RBFOX1: variants seen among roughly 807,000 people sequenced by gnomAD.
RBFOX1 encodes RNA binding fox-1 homolog 1.
In RBFOX1, 8 loss-of-function variants were observed where a neutral mutation model predicts 57.7. The ratio of observed to expected loss-of-function variants is 0.14; its 90% CI spans 0.08 to 0.25. The LOEUF (loss-of-function observed/expected upper bound fraction) is 0.25. Ranked by LOEUF, RBFOX1 falls within the 10% of genes least tolerant of loss-of-function variation. The pLI is 1.00. For synonymous variants in RBFOX1, 326 were observed against 222.4 expected (o/e 1.47, Z -4.15); for missense variants, 611 against 548.5 (o/e 1.11, Z -1.14).
chr16:5,253,859 T>C (rs963193632), intron 1 of RBFOX1, among the ~76,000 whole-genome samples: 1 of 152,224 alleles, frequency 6.6e-6, no homozygotes, highest in Non-Finnish European at 1.5e-5. Flanking sequence ...TCTCCCTGCC[T>C]CTTCACCTGG....
intron 1 of RBFOX1, among the ~76,000 whole-genome samples, chr16:6,128,679 T>C (rs1267090092): frequency 6.6e-6 from 1 of 152,176 alleles, no homozygotes; most frequent in Non-Finnish European, 1.5e-5. Flanking sequence ...TAAGTCTGCA[T>C]GGAATTTTAC....
intron 2 of RBFOX1, among the ~76,000 whole-genome samples, chr16:5,573,311 C>T (rs1359650632): frequency 2.0e-5 from 3 of 152,144 alleles, no homozygotes; most frequent in East Asian, 1.9e-4. Context: ...GTGAAGGCCA[C>T]AAAGGTGGTT....
chr16:7,698,495 C>T (rs74011860), intron 14 of RBFOX1, among the ~76,000 whole-genome samples: 1 of 152,048 alleles, frequency 6.6e-6, no homozygotes, highest in Admixed American at 6.6e-5. Context: ...GGAGGTGTCA[C>T]CAGCGCCTTT....
intron 3 of RBFOX1, among the ~76,000 whole-genome samples, chr16:6,885,167 TC>T (rs1285777765): frequency 6.6e-6 from 1 of 152,106 alleles, no homozygotes; most frequent in African/African-American, 2.4e-5. Flanking sequence ...CTTCCCTAAT[TC>T]CCAGGTAGTA....
At chr16:7,168,434 G>A (rs940446685) in intron 4 of RBFOX1, among the ~76,000 whole-genome samples, 2 of 151,948 alleles carry the variant, frequency 1.3e-5, no homozygotes, top group African/African-American at 4.8e-5. Flanking sequence ...AATTCTCATT[G>A]CATGTGAATT....
chr16:6,825,962 A>G lies in RBFOX1; in HGVS notation c.-16+171312A>G, dbSNP rs571849847. On this transcript the variant is annotated intron_variant, in intron 3 of 15. Transcript: ENST00000550418. ...CGCAGGGTGCTCATCCTTTAACGAT[A>G]CGAGTTTCCATGTCTGCAAAAATGT... Among the ~76,000 whole-genome samples the G allele has an allele frequency of 7.2e-5, 11 of 152,282 alleles. No individual in the cohort carries two copies. The South Asian group carries it at 2.3e-3, about 32-fold the overall frequency.
chr16:6,909,920 C>T (rs1462083755), intron 3 of RBFOX1, among the ~76,000 whole-genome samples: 1 of 151,744 alleles, frequency 6.6e-6, no homozygotes, highest in Non-Finnish European at 1.5e-5. Context: ...GCAGGATTTG[C>T]TTTTTTTTGC....
intron 13 of RBFOX1, among the ~76,000 whole-genome samples, chr16:7,671,033 G>A (rs1319950774): frequency 6.6e-6 from 1 of 152,150 alleles, no homozygotes; most frequent in Non-Finnish European, 1.5e-5. Context: ...AGGAGCCATC[G>A]TAGCTTCAGT....
intron 2 of RBFOX1, among the ~76,000 whole-genome samples, chr16:6,463,846 C>T (rs1330831212): frequency 6.6e-6 from 1 of 152,098 alleles, no homozygotes; most frequent in East Asian, 1.9e-4. Flanking sequence ...GAGGTGAGTT[C>T]CTCACTGGCT....
At chr16:5,314,640 A>G (rs2064182474) in intron 1 of RBFOX1, among the ~76,000 whole-genome samples, 1 of 152,106 alleles carries the variant, frequency 6.6e-6, no homozygotes, top group Non-Finnish European at 1.5e-5. Context: ...AGCTGGGACT[A>G]CAGGCATGCA....
chr16:7,577,614 G>T (rs563703143), intron 5 of RBFOX1, among the ~76,000 whole-genome samples: 17 of 152,182 alleles, frequency 1.1e-4, no homozygotes, highest in Admixed American at 9.2e-4. Flanking sequence ...ACATTTACCA[G>T]TCTCTGGGGA....
intron 3 of RBFOX1, among the ~76,000 whole-genome samples, chr16:6,694,375 T>G (rs989185104): frequency 6.6e-6 from 1 of 152,178 alleles, no homozygotes; most frequent in African/African-American, 2.4e-5. Context: ...ATATCCACAG[T>G]TCTCATCCAA....
intron 2 of RBFOX1, among the ~76,000 whole-genome samples, chr16:5,546,395 G>T (rs2045207236): frequency 6.6e-6 from 1 of 152,140 alleles, no homozygotes; most frequent in African/African-American, 2.4e-5. Context: ...AAGTTAGAGG[G>T]CTAACATGAT....
chr16:6,193,398 A>ATATATATATATAC, intron 1 of RBFOX1, among the ~76,000 whole-genome samples: 1 of 62,860 alleles, frequency 1.6e-5, no homozygotes, highest in East Asian at 3.7e-4. Flanking sequence ...TATACTATAT[A>ATATATATATATAC]TATATATATA....
At chr16:6,693,341 C>A (rs1256055252) in intron 3 of RBFOX1, among the ~76,000 whole-genome samples, 2 of 151,624 alleles carry the variant, frequency 1.3e-5, no homozygotes, top group South Asian at 4.2e-4. Context: ...TCATCCGTCT[C>A]CACTAGCATC....
rs186095850 is a variant in RBFOX1, at chr16:5,623,351, C to G, written c.318+24390C>G. On this transcript the variant is annotated intron_variant, in intron 3 of 19. Transcript: ENST00000641259. ...AGGCAGTTCCTCAAAATGCATTTTC[C>G]TGGGCCCTTCCACAGTCAGTGATGT... 1.8e-4 allele frequency among the ~76,000 whole-genome samples: 28 copies of G among 152,278 alleles called. No homozygotes were observed. In the East Asian group the frequency reaches 5.0e-3, roughly 27 times the overall value.
At chr16:5,582,483 G>A (rs953567708) in intron 2 of RBFOX1, among the ~76,000 whole-genome samples, 10 of 150,876 alleles carry the variant, frequency 6.6e-5, no homozygotes, top group African/African-American at 2.0e-4. Flanking sequence ...AGGTTAAACA[G>A]CCCTCCAAGG....
At chr16:5,764,215 C>T (rs2053693735) in intron 3 of RBFOX1, among the ~76,000 whole-genome samples, 3 of 152,174 alleles carry the variant, frequency 2.0e-5, no homozygotes, top group South Asian at 2.1e-4. Context: ...GTCATCTGGA[C>T]ACCACATCAT....
At chr16:6,948,938 C>G (rs904204494) in intron 3 of RBFOX1, among the ~76,000 whole-genome samples, 1 of 152,044 alleles carries the variant, frequency 6.6e-6, no homozygotes, top group Non-Finnish European at 1.5e-5. Context: ...TACCATCCTA[C>G]GTTGTGTGGA....
Sources: gnomAD v4.1 joint callset for allele counts (sites outside exome capture counted in the v4.1 genomes callset) on GRCh38, gnomAD v4.1.1 for gene constraint, MANE v1.5 for transcripts, NCBI Gene and HGNC (gene_info 2026-07-23, HGNC 2026-07-21) for gene names.